Variants in PCDH15 observed in about 807,000 individuals in gnomAD.
PCDH15 encodes protocadherin related 15, also known as protocadherin-15.
A neutral mutation model predicts 178.5 loss-of-function variants in PCDH15; 129 were observed. The observed-to-expected ratio is 0.72, with a 90% CI of 0.63 to 0.84. PCDH15 has a LOEUF of 0.84. Ranked by LOEUF, PCDH15 falls within the 40% of genes least tolerant of loss-of-function variation. The pLI, the probability that PCDH15 is intolerant of heterozygous loss-of-function variation, is 0.00. For missense variants in PCDH15, 2,230 were observed against 2,099.9 expected (o/e 1.06, Z -1.21); for synonymous variants, 800 against 732.0 (o/e 1.09, Z -1.50).
At chr10:55,372,316 A>G (rs1845525550) in intron 2 of PCDH15, among the ~76,000 whole-genome samples, 1 of 151,742 alleles carries the variant, frequency 6.6e-6, no homozygotes, top group Non-Finnish European at 1.5e-5. Context: ...ACCCACCCAT[A>G]TGGCAGGCAC....
chr10:55,005,444 C>A (rs1839906521), intron 2 of PCDH15, among the ~76,000 whole-genome samples: 1 of 151,920 alleles, frequency 6.6e-6, no homozygotes, highest in Non-Finnish European at 1.5e-5. Flanking sequence ...TTTTTAATCT[C>A]AATTTTATGT....
intron 8 of PCDH15, among the ~76,000 whole-genome samples, chr10:54,245,578 A>G (rs1323539670): frequency 6.6e-6 from 1 of 152,170 alleles, no homozygotes; most frequent in Non-Finnish European, 1.5e-5. Flanking sequence ...CACATGTATT[A>G]GAAGTCAACA....
At chr10:54,784,162 G>T (rs181934870) in intron 1 of PCDH15, among the ~76,000 whole-genome samples, 12 of 152,034 alleles carry the variant, frequency 7.9e-5, no homozygotes, top group African/African-American at 1.7e-4. Context: ...GATACATGAG[G>T]GTTATAGGGA....
At chr10:55,545,535 C>T (rs1589128322) in intron 2 of PCDH15, among the ~76,000 whole-genome samples, 1 of 151,676 alleles carries the variant, frequency 6.6e-6, no homozygotes, top group South Asian at 2.1e-4. Flanking sequence ...CTCAGCCTCC[C>T]TAGTAGCTGG....
chr10:55,236,855 TA>T (rs1457306915), intron 1 of PCDH15, among the ~76,000 whole-genome samples: 3 of 151,956 alleles, frequency 2.0e-5, no homozygotes, highest in African/African-American at 7.2e-5. Context: ...TGATAAATAA[TA>T]AAATAAAATA....
chr10:54,748,299 G>A (rs182424718), intron 1 of PCDH15, among the ~76,000 whole-genome samples: 4 of 152,060 alleles, frequency 2.6e-5, no homozygotes, highest in Admixed American at 6.5e-5. Context: ...TTTTATACAC[G>A]GGATAAAATT....
intron 1 of PCDH15, among the ~76,000 whole-genome samples, chr10:54,779,438 A>ATATATATACACACATATATATG (rs1950064986): frequency 1.6e-5 from 1 of 61,942 alleles, no homozygotes; most frequent in African/African-American, 6.0e-5. Context: ...ACATATGTGT[A>ATATATATACACACATATATATG]TATATATATA....
chr10:53,821,938 A>G, intron 32 of PCDH15: 2 of 1,613,730 alleles, frequency 1.2e-6, no homozygotes, highest in East Asian at 2.2e-5. Context: ...TTTTGTTCAG[A>G]TGTGATTTCC....
At chr10:53,861,141 C>A (rs960210546) in intron 27 of PCDH15, among the ~76,000 whole-genome samples, 1 of 152,066 alleles carries the variant, frequency 6.6e-6, no homozygotes, top group Non-Finnish European at 1.5e-5. Flanking sequence ...TCATCTATAA[C>A]AAGGATATTT....
chr10:54,214,726 G>A (rs901345002), intron 9 of PCDH15, among the ~76,000 whole-genome samples: 1 of 152,096 alleles, frequency 6.6e-6, no homozygotes, highest in Non-Finnish European at 1.5e-5. Flanking sequence ...AAATAGCTGG[G>A]ATTATAGGCG....
rs74576409 is a variant in PCDH15 at position 53,824,949 on chromosome 10, A to G, written c.4367+2444T>C. ...GTAGGCACAGGTACCATCACAGCGA[A>G]CACATGTTTTAAGCTCATGCCATCA... On this transcript the variant is annotated intron_variant, in intron 32 of 37. Transcript: ENST00000644397. Among the ~76,000 whole-genome samples, 1,607 of 152,138 alleles carry G rather than the reference A, an allele frequency of 0.011. 27 individuals carry two copies. The highest frequency in any genetic ancestry group is 0.036 in the African/African-American group (1,507 of 41,504).
At chr10:54,721,315 C>T (rs1941560771) in intron 1 of PCDH15, among the ~76,000 whole-genome samples, 1 of 151,520 alleles carries the variant, frequency 6.6e-6, no homozygotes, top group South Asian at 2.1e-4. Context: ...AATTTTGCAC[C>T]TCAAGCAACT....
At chr10:54,830,478 G>A (rs1033051587) in intron 3 of PCDH15, among the ~76,000 whole-genome samples, 8 of 151,524 alleles carry the variant, frequency 5.3e-5, no homozygotes, top group East Asian at 1.9e-4. Flanking sequence ...GCAAACTATC[G>A]CAAGGACAAA....
intron 18 of PCDH15, among the ~76,000 whole-genome samples, chr10:54,062,396 T>C (rs530567089): frequency 6.6e-6 from 1 of 152,106 alleles, no homozygotes; most frequent in African/African-American, 2.4e-5. Flanking sequence ...TGGTTTTAAG[T>C]CTTAATAGTT....
intron 1 of PCDH15, among the ~76,000 whole-genome samples, chr10:55,317,109 CA>C (rs1276911202): frequency 6.6e-6 from 1 of 152,124 alleles, no homozygotes; most frequent in Non-Finnish European, 1.5e-5. Flanking sequence ...GGTTGGGAAC[CA>C]GGGGCAGATA....
In PCDH15 at chr10:53,890,665, A is replaced by T. The variant is rs577931700; in HGVS notation, c.3501+12578T>A. Among the ~76,000 whole-genome samples the T allele has an allele frequency of 2.0e-5, 3 of 152,276 alleles. No individual in the cohort carries two copies. The East Asian group carries it at 5.8e-4, about 29-fold the overall frequency. ...ATAAAAACTAGTGTAGCTACCACATAAAGTTTCTGGATCAACTTGATGGAG... is the reference window on the plus strand; with the variant it reads ...ATAAAAACTAGTGTAGCTACCACATTAAGTTTCTGGATCAACTTGATGGAG... On this transcript the variant is annotated intron_variant, in intron 26 of 37. Transcript: ENST00000644397.
chr10:54,148,914 G>C (rs2044245082), intron 14 of PCDH15, among the ~76,000 whole-genome samples: 1 of 151,572 alleles, frequency 6.6e-6, no homozygotes, highest in African/African-American at 2.4e-5. Context: ...TAATTTAAAA[G>C]TCTTTCCAAG....
chr10:55,472,233 G>A (rs1300144282), intron 2 of PCDH15, among the ~76,000 whole-genome samples: 1 of 152,048 alleles, frequency 6.6e-6, no homozygotes, highest in African/African-American at 2.4e-5. Flanking sequence ...TCTAAGGCAT[G>A]TATCTATTAA....
intron 1 of PCDH15, among the ~76,000 whole-genome samples, chr10:55,244,731 T>C (rs1024342203): frequency 6.6e-6 from 1 of 151,518 alleles, no homozygotes; most frequent in Admixed American, 6.6e-5. Flanking sequence ...GATACATTAA[T>C]GTCAGAATAC....
Sources: gnomAD v4.1 joint callset for allele counts (sites outside exome capture counted in the v4.1 genomes callset) on GRCh38, gnomAD v4.1.1 for gene constraint, MANE v1.5 for transcripts, NCBI Gene and HGNC (gene_info 2026-07-23, HGNC 2026-07-21) for gene names.